Variants in PMS2 observed in about 807,000 individuals in gnomAD.
PMS2 encodes mismatch repair endonuclease PMS2.
PMS2 carries 69 observed loss-of-function variants against 90.0 expected under a neutral mutation model. That is an observed-to-expected ratio of 0.77 (90% CI 0.63 to 0.94). The LOEUF is 0.94. PMS2 is among the 40% of genes least tolerant of loss of function. The pLI is 0.00. For missense variants in PMS2, 966 were observed against 1,040.2 expected (o/e 0.93, Z 0.98); for synonymous variants, 332 against 375.1 (o/e 0.89, Z 1.33).
intron 10 of PMS2, among the ~76,000 whole-genome samples, chr7:5,988,071 A>AAC (rs1562638514): frequency 4.2e-5 from 6 of 144,564 alleles, no homozygotes; most frequent in Admixed American, 7.2e-5. Context: ...AAAAAAAAAA[A>AAC]AAAAAAACCA....
At chr7:5,978,842 C>CA in intron 12 of PMS2, 146 bp from the exon 13 acceptor site, 1 of 1,058,630 alleles carries the variant, frequency 9.4e-7, no homozygotes, top group Non-Finnish European at 1.4e-6. Flanking sequence ...CTAAGTGTCA[C>CA]AAAACTTCCT....
rs1478421318 is a variant in PMS2 at position 5,979,220 on chromosome 7, A to C, written c.2175-524T>G. ...CTGTCTCAAAAAAAAAAAAAAAAAA[A>C]AAACACCCATAAAAACAAAAATTAG... On this transcript the variant is annotated intron_variant, in intron 12 of 14. Coordinates refer to ENST00000265849, the MANE Select transcript of PMS2 (RefSeq NM_000535.7). Among the ~76,000 whole-genome samples the C allele has an allele frequency of 1.3e-4, 18 of 136,736 alleles. 1 individual carries two copies. The highest frequency in any genetic ancestry group is 4.8e-4 in the African/African-American group (16 of 33,198). 89.7% of individuals were successfully genotyped at this position (136,736 alleles called of 152,430 possible). A position where few individuals can be genotyped will look rare whatever the true frequency, so the allele number is the denominator to read the frequency against.
chr7:5,989,394 T>C (rs1305111628), intron 10 of PMS2, among the ~76,000 whole-genome samples: 1 of 151,972 alleles, frequency 6.6e-6, no homozygotes, highest in African/African-American at 2.4e-5. Context: ...GATCGCATCA[T>C]TGCACTCCAG....
chr7:5,992,185 T>A (rs1396536346), intron 8 of PMS2, 128 bp from the exon 9 acceptor site: 2 of 658,168 alleles, frequency 3.0e-6, no homozygotes, highest in Non-Finnish European at 5.5e-6. Flanking sequence ...TTTTTTTTTT[T>A]TTGAGTCAAG....
chr7:5,994,225 C>A (rs1454194912), intron 8 of PMS2, among the ~76,000 whole-genome samples: 3 of 151,438 alleles, frequency 2.0e-5, no homozygotes, highest in Non-Finnish European at 4.4e-5. Flanking sequence ...ACTAAAGACA[C>A]AAAAACTTAG....
At chr7:5,983,779 G>A (rs925794903) in intron 11 of PMS2, among the ~76,000 whole-genome samples, 4 of 151,450 alleles carry the variant, frequency 2.6e-5, no homozygotes, top group African/African-American at 9.8e-5. Flanking sequence ...AGCCTCCCGA[G>A]TAGCTGGGAC....
chr7:6,007,231 T>C (rs1785886670), intron 1 of PMS2, among the ~76,000 whole-genome samples: 1 of 152,040 alleles, frequency 6.6e-6, no homozygotes, highest in Non-Finnish European at 1.5e-5. Context: ...TTCTCCTATC[T>C]CAGCCTCCCA....
At chr7:6,007,230 C>G (rs1197810328) in intron 1 of PMS2, among the ~76,000 whole-genome samples, 1 of 152,116 alleles carries the variant, frequency 6.6e-6, no homozygotes, top group Non-Finnish European at 1.5e-5. Context: ...ATTCTCCTAT[C>G]TCAGCCTCCC....
chr7:6,003,641 G>T (rs1338905903), intron 4 of PMS2, 49 bp downstream of exon 4: 3 of 932,092 alleles, frequency 3.2e-6, no homozygotes, highest in Non-Finnish European at 3.5e-6. Flanking sequence ...TTAATTTTCA[G>T]AGAGGTTTCT....
At chr7:5,978,012 C>A (rs1341222401) in intron 13 of PMS2, among the ~76,000 whole-genome samples, 1 of 149,760 alleles carries the variant, frequency 6.7e-6, no homozygotes, top group East Asian at 2.0e-4. Flanking sequence ...CCCAGCTACT[C>A]GGGAGGCTGA....
At chr7:6,003,895 C>T (rs184425874) in intron 3 of PMS2, 77 bp downstream of exon 3, 1 of 1,269,596 alleles carries the variant, frequency 7.9e-7, no homozygotes, top group East Asian at 2.3e-5. Flanking sequence ...TTTTGCATTT[C>T]CCAAGACAGT....
intron 1 of PMS2, 43 bp downstream of exon 1, chr7:6,008,954 G>A (rs1350351989): frequency 8.7e-6 from 14 of 1,611,572 alleles, no homozygotes; most frequent in Non-Finnish European, 1.1e-5. Flanking sequence ...TCTCAAAGAG[G>A]GCGCGCGAGA....
intron 14 of PMS2, 143 bp downstream of exon 14, chr7:5,977,445 C>T (rs1221389026): frequency 1.2e-5 from 9 of 755,068 alleles, no homozygotes; most frequent in Admixed American, 2.2e-5. Flanking sequence ...TCAGCTACGA[C>T]GCTGCACGTA....
intron 13 of PMS2, among the ~76,000 whole-genome samples, chr7:5,978,177 G>A (rs1266068374): frequency 1.3e-5 from 2 of 150,200 alleles, no homozygotes; most frequent in African/African-American, 2.4e-5. Flanking sequence ...GCTTTTTGGA[G>A]GAACTTTTTA....
intron 1 of PMS2, among the ~76,000 whole-genome samples, chr7:6,006,975 T>G (rs765073482): frequency 6.6e-6 from 1 of 152,126 alleles, no homozygotes; most frequent in Non-Finnish European, 1.5e-5. Flanking sequence ...GCTTAAAAAT[T>G]TACTAGTGCC....
rs376344586 is a variant in PMS2, at chr7:5,987,330, G to A, written c.1435C>T (p.His479Tyr). ...RPQKEAVSSS[H>Y]GPSDPTDRAE... The stretch of plus-strand genomic sequence containing the variant: ...CTGTCCGTAGGGTCACTGGGTCCGT[G>A]ACTGGAACTCACTGCCTCTTTCTGA... Residue 479 changes from histidine to tyrosine, a missense_variant, in exon 11 of 15, where the codon CAC becomes TAC. By Grantham distance (83) the His-to-Tyr change is moderately conservative. Coordinates refer to ENST00000265849, the MANE Select transcript of PMS2 (RefSeq NM_000535.7). 6.2e-7 allele frequency: 1 copy of A among 1,614,124 alleles called. No homozygotes were observed. Among genetic ancestry groups the A allele is most frequent in the Admixed American group, 1.7e-5 (1 of 59,998 alleles).
Position 5,987,413 on chromosome 7 carries a change from C to G in PMS2, c.1352G>C (p.Arg451Thr), listed in dbSNP as rs876660834. 3 of 1,614,154 alleles carry G rather than the reference C, an allele frequency of 1.9e-6. No individual in the cohort carries two copies. The highest frequency in any genetic ancestry group is 2.5e-6 in the Non-Finnish European group (3 of 1,180,016). Residue 451 changes from arginine (R) to threonine (T), a missense_variant, in exon 11 of 15, where the codon AGG becomes ACG. Physicochemically the swap from Arg to Thr is moderately conservative, Grantham distance 71. Around this residue, in one of 2 missense-constraint regions of PMS2, gnomAD observed 871 missense variants for 802.4 expected, o/e 1.09. Transcript: ENST00000265849. The stretch of plus-strand genomic sequence containing the variant: ...TGAAGTGCTAGAAGACAGCATACCC[C>G]TTTTCTGTCCTAGAGGGCTCCTTCT... ...EPRRSPLGQK[R>T]GMLSSSTSGA...
chr7:5,991,152 T>C (rs541254901), intron 9 of PMS2, among the ~76,000 whole-genome samples: 6 of 152,258 alleles, frequency 3.9e-5, no homozygotes, highest in Middle Eastern at 3.4e-3. Flanking sequence ...CATTGGAATA[T>C]AATTCACCTA....
At chr7:5,993,853 ACT>A (rs1784056285) in intron 8 of PMS2, among the ~76,000 whole-genome samples, 1 of 105,274 alleles carries the variant, frequency 9.5e-6, no homozygotes, top group Non-Finnish European at 1.8e-5. Context: ...ACAGAGCGAG[ACT>A]CTGTCTCAAA....
Sources: gnomAD v4.1 joint callset for allele counts (sites outside exome capture counted in the v4.1 genomes callset) on GRCh38, gnomAD v4.1.1 for gene constraint, gnomAD v4.1.1 regional missense constraint, MANE v1.5 for transcripts, NCBI Gene and HGNC (gene_info 2026-07-23, HGNC 2026-07-21) for gene names.